The following RAB5A variants were observed in gnomAD, a reference collection of about 807,000 sequenced individuals.
RAB5A encodes the protein ras-related protein Rab-5A.
In RAB5A, 8 loss-of-function variants were observed where a neutral mutation model predicts 25.7. The observed-to-expected ratio is 0.31, with a 90% CI of 0.18 to 0.56. The LOEUF is 0.56. Ranked by LOEUF, RAB5A falls within the 20% of genes least tolerant of loss-of-function variation. The pLI is 0.91. For missense variants in RAB5A, 192 were observed against 259.7 expected, an observed-to-expected ratio of 0.74 and a Z score of 1.79; for synonymous variants, 98 against 89.8, an observed-to-expected ratio of 1.09 and a Z score of -0.52.
At chr3:19,948,166 A>G (rs1462710600) in intron 1 of RAB5A, among the ~76,000 whole-genome samples, 4 of 152,208 alleles carry the variant, frequency 2.6e-5, no homozygotes, top group Non-Finnish European at 4.4e-5. Flanking sequence ...GGTAGAGACC[A>G]TGGAACTTGC....
chr3:19,968,140 A>AT (rs1696686540), intron 2 of RAB5A, among the ~76,000 whole-genome samples: 1 of 152,148 alleles, frequency 6.6e-6, no homozygotes, highest in South Asian at 2.1e-4. Context: ...TATTTCTGAA[A>AT]TTTTGAACAA....
At chr3:19,948,068 T>A (rs1454720204) in intron 1 of RAB5A, among the ~76,000 whole-genome samples, 1 of 152,128 alleles carries the variant, frequency 6.6e-6, no homozygotes, top group Non-Finnish European at 1.5e-5. Flanking sequence ...CAAAATAGGC[T>A]GTCTAGAGAC....
intron 2 of RAB5A, among the ~76,000 whole-genome samples, chr3:19,965,469 G>A (rs1292537565): frequency 6.6e-6 from 1 of 151,882 alleles, no homozygotes; most frequent in Non-Finnish European, 1.5e-5. Context: ...GGTGACATGT[G>A]GCTGACTGTC....
intron 3 of RAB5A, 40 bp from the exon 4 acceptor site, chr3:19,976,007 T>A (rs1275109871): frequency 6.3e-7 from 1 of 1,587,430 alleles, no homozygotes; most frequent in Non-Finnish European, 8.5e-7. Context: ...GGTAACCATT[T>A]TTTGAGCCTG....
intron 2 of RAB5A, among the ~76,000 whole-genome samples, chr3:19,968,995 C>A (rs1696698602): frequency 6.9e-6 from 1 of 145,230 alleles, no homozygotes. Context: ...ACCAGCTGTG[C>A]TTGGGTTTTT....
intron 2 of RAB5A, among the ~76,000 whole-genome samples, chr3:19,969,953 G>T (rs1361792005): frequency 6.6e-6 from 1 of 151,858 alleles, no homozygotes; most frequent in Non-Finnish European, 1.5e-5. Context: ...ACAGGCTCAT[G>T]CCACCATGCC....
intron 5 of RAB5A, among the ~76,000 whole-genome samples, chr3:19,981,997 C>T (rs1696937942): frequency 6.6e-6 from 1 of 151,978 alleles, no homozygotes; most frequent in Non-Finnish European, 1.5e-5. Context: ...AATCCCAATA[C>T]TTTGAGAGGC....
rs1272902719 is a variant in RAB5A at position 19,984,656 on chromosome 3, C to G, written c.*833C>G. On this transcript the variant is annotated 3_prime_UTR_variant, in exon 6 of 6. Transcript: ENST00000273047. ...CTTTTGACATAATATAGTCAATGCA[C>G]TAACAATTATGTATATTCAAACTTG... 2 of 157,754 alleles carry G rather than the reference C, an allele frequency of 1.3e-5. No individual in the cohort carries two copies. The highest frequency in any genetic ancestry group is 2.8e-5 in the Non-Finnish European group (2 of 71,702). The allele number at this position is 157,754 out of a possible 1,614,324, so 9.8% of individuals were successfully genotyped here. A position where few individuals can be genotyped will look rare whatever the true frequency, so the allele number is the denominator to read the frequency against.
rs908036778 is a variant in RAB5A, at chr3:19,975,896, T to A, written c.315+144T>A. 5.1e-4 allele frequency: 653 copies of A among 1,290,002 alleles called. 1 individual carries two copies. The highest frequency in any genetic ancestry group is 6.2e-4 in the Admixed American group (23 of 36,850). The allele number at this position is 1,290,002 out of a possible 1,614,324, so 79.9% of individuals were successfully genotyped here. Reference sequence around the variant, plus strand: ...TTTTGTGAATTAGAAAATCTGGTTTTAAAAAAAAACGAAAATGTCTCATAA... The same window carrying A: ...TTTTGTGAATTAGAAAATCTGGTTTAAAAAAAAAACGAAAATGTCTCATAA... On this transcript the variant is annotated intron_variant, in intron 3 of 5. Transcript: ENST00000273047.
At chr3:19,966,294 C>A (rs1696661597) in intron 2 of RAB5A, among the ~76,000 whole-genome samples, 1 of 152,146 alleles carries the variant, frequency 6.6e-6, no homozygotes, top group Non-Finnish European at 1.5e-5. Context: ...AGTATTTGTA[C>A]TTTTGTGGTT....
intron 2 of RAB5A, among the ~76,000 whole-genome samples, chr3:19,951,483 A>G (rs1054733040): frequency 2.0e-5 from 3 of 152,232 alleles, no homozygotes; most frequent in African/African-American, 7.2e-5. Context: ...GCAAATAATT[A>G]TACTTACTTG....
At position 19,947,366 on chromosome 3, in the gene RAB5A, C is replaced by A; in HGVS notation, c.-249C>A. ...GACAGGGGCGGCACCACGGCACGAGCCCCGCACAGTCCAGTGTGAGGGGAG... is the reference window on the plus strand; with the variant it reads ...GACAGGGGCGGCACCACGGCACGAGACCCGCACAGTCCAGTGTGAGGGGAG... On this transcript the variant is annotated 5_prime_UTR_variant, in exon 1 of 6. Coordinates refer to ENST00000273047, the MANE Select transcript of RAB5A (RefSeq NM_004162.5). 5.6e-6 allele frequency: 1 copy of A among 177,816 alleles called. No individual in the cohort carries two copies. The highest frequency in any genetic ancestry group is 1.1e-4 in the South Asian group (1 of 9,026). The allele number at this position is 177,816 out of a possible 1,614,324, so 11.0% of individuals were successfully genotyped here.
chr3:19,954,595 A>T (rs2125179547), intron 2 of RAB5A, among the ~76,000 whole-genome samples: 1 of 152,228 alleles, frequency 6.6e-6, no homozygotes, highest in African/African-American at 2.4e-5. Context: ...AGGTGGGCAG[A>T]TCGCTTGAGT....
chr3:19,968,749 C>T (rs1156924717), intron 2 of RAB5A, among the ~76,000 whole-genome samples: 3 of 152,176 alleles, frequency 2.0e-5, no homozygotes, highest in Non-Finnish European at 4.4e-5. Flanking sequence ...AGGCATGAGC[C>T]ACTGTGCCCG....
intron 2 of RAB5A, among the ~76,000 whole-genome samples, chr3:19,959,090 C>A (rs114107637): frequency 4.6e-5 from 7 of 152,072 alleles, no homozygotes; most frequent in Non-Finnish European, 2.9e-5. Flanking sequence ...TTTGCCTTGC[C>A]GTGCTTAATG....
rs201483595 is a variant in RAB5A at position 19,954,447 on chromosome 3, A to G, written c.163+3386A>G. ...CATATGTTACACTCTTGATTTGTGGATTCTGGATTCATTAAGAATATCAAG... is the reference window on the plus strand; with the variant it reads ...CATATGTTACACTCTTGATTTGTGGGTTCTGGATTCATTAAGAATATCAAG... On this transcript the variant is annotated intron_variant, in intron 2 of 5. Transcript: ENST00000273047. Among the ~76,000 whole-genome samples the G allele has an allele frequency of 7.9e-5, 12 of 152,274 alleles. No homozygotes were observed. The East Asian group carries it at 1.9e-3, about 24-fold the overall frequency.
chr3:19,975,800 T>C (rs1281857092), intron 3 of RAB5A, 48 bp downstream of exon 3: 2 of 1,531,170 alleles, frequency 1.3e-6, no homozygotes, highest in Non-Finnish European at 8.9e-7. Flanking sequence ...GTACCCACTT[T>C]TGGTGTTCAG....
intron 2 of RAB5A, among the ~76,000 whole-genome samples, chr3:19,972,436 G>A (rs1201163584): frequency 6.6e-6 from 1 of 152,180 alleles, no homozygotes; most frequent in Non-Finnish European, 1.5e-5. Flanking sequence ...AACTCTGGGA[G>A]CACAGATGTA....
At chr3:19,962,128 C>G (rs886842268) in intron 2 of RAB5A, among the ~76,000 whole-genome samples, 2 of 152,160 alleles carry the variant, frequency 1.3e-5, no homozygotes, top group African/African-American at 4.8e-5. Context: ...ATGTAGTAGC[C>G]TTTTATGACT....
Sources: gnomAD v4.1 joint callset for allele counts (sites outside exome capture counted in the v4.1 genomes callset) on GRCh38, gnomAD v4.1.1 for gene constraint, MANE v1.5 for transcripts, NCBI Gene and HGNC (gene_info 2026-07-23, HGNC 2026-07-21) for gene names.